Variants in CMTM6 observed in about 807,000 individuals in gnomAD.
CMTM6 encodes CKLF-like MARVEL transmembrane domain-containing protein 6.
A neutral mutation model predicts 13.6 loss-of-function variants in CMTM6; 5 were observed. That is an observed-to-expected ratio of 0.37 (90% CI 0.19 to 0.77). The LOEUF (loss-of-function observed/expected upper bound fraction) is 0.77, where lower values mean the gene tolerates loss of function less well. CMTM6 is among the 30% of genes least tolerant of loss of function. CMTM6 has a pLI of 0.50. For synonymous variants in CMTM6, 99 were observed against 84.5 expected (o/e 1.17, Z -0.94); for missense variants, 196 against 218.6 (o/e 0.90, Z 0.65).
rs1294888077 is a variant in CMTM6 at position 32,496,650 on chromosome 3, G to A, written c.139-4764C>T. Among the ~76,000 whole-genome samples the A allele has an allele frequency of 3.9e-5, 6 of 152,280 alleles. No individual in the cohort carries two copies. In the East Asian group the frequency reaches 1.2e-3, roughly 29 times the overall value. On this transcript the variant is annotated intron_variant, in intron 1 of 3. Coordinates refer to ENST00000205636, the MANE Select transcript of CMTM6 (RefSeq NM_017801.3). ...TTAACTGAGCATTCATTATATGTAG[G>A]TTAGAAAATCTCAAGAAAATGTTCG...
intron 1 of CMTM6, among the ~76,000 whole-genome samples, chr3:32,495,054 A>C (rs1195811676): frequency 6.6e-6 from 1 of 152,194 alleles, no homozygotes; most frequent in Non-Finnish European, 1.5e-5. Context: ...TAATTTCAAA[A>C]TAAAAAGTTA....
At position 32,484,061 on chromosome 3, in the gene CMTM6, C is replaced by A; in HGVS notation, c.451G>T (p.Asp151Tyr). 1 of 1,602,904 alleles carries A rather than the reference C, an allele frequency of 6.2e-7. No homozygotes were observed. Among genetic ancestry groups the A allele is most frequent in the South Asian group, 1.1e-5 (1 of 89,520 alleles). Reference protein sequence around the residue: ...GFIASFMFLLDFITMLYEKRQ... With the variant: ...GFIASFMFLLYFITMLYEKRQ... Reference sequence around the variant, plus strand: ...TTTTCATACAGCATAGTGATAAAGTCAAGTAGGAACATAAAACTTGCTATA... The same window carrying A: ...TTTTCATACAGCATAGTGATAAAGTAAAGTAGGAACATAAAACTTGCTATA... The change falls in exon 4 of 4, where the codon GAC (aspartate) becomes TAC (tyrosine). Residue 151 changes from aspartate (D) to tyrosine (Y), a missense_variant. Transcript: ENST00000205636.
chr3:32,484,241 T>A (rs982820020), intron 3 of CMTM6, 144 bp from the exon 4 acceptor site: 12 of 614,664 alleles, frequency 2.0e-5, no homozygotes, highest in South Asian at 4.1e-5. Flanking sequence ...GTAAAAAAAA[T>A]TTTTTTAAGT....
chr3:32,484,972 A>T, intron 3 of CMTM6, among the ~76,000 whole-genome samples: 1 of 152,076 alleles, frequency 6.6e-6, no homozygotes. Flanking sequence ...CAAATTCATT[A>T]AGTCCCCCAG....
At position 32,493,318 on chromosome 3, in the gene CMTM6, A is replaced by G. The variant is rs1042504876; in HGVS notation, c.139-1432T>C. On this transcript the variant is annotated intron_variant, in intron 1 of 3. Coordinates refer to ENST00000205636, the MANE Select transcript of CMTM6 (RefSeq NM_017801.3). ...AGTGGAGAATGTTAACTCTGGTTAA[A>G]TTGGCAACTCAATTACACGCAAGTG... 2.8e-4 allele frequency among the ~76,000 whole-genome samples: 42 copies of G among 152,228 alleles called. 1 individual carries two copies. The highest frequency in any genetic ancestry group is 2.0e-4 in the Admixed American group (3 of 15,284).
intron 1 of CMTM6, among the ~76,000 whole-genome samples, chr3:32,493,898 A>C (rs779301982): frequency 4.6e-5 from 7 of 152,170 alleles, no homozygotes; most frequent in Non-Finnish European, 7.3e-5. Flanking sequence ...TCAGGGAGAG[A>C]AGCTCGATTA....
At chr3:32,496,198 CAA>C (rs11426299) in intron 1 of CMTM6, among the ~76,000 whole-genome samples, 15 of 78,042 alleles carry the variant, frequency 1.9e-4, no homozygotes, top group Non-Finnish European at 1.5e-4. Context: ...GAGACTATCT[CAA>C]AAAAAAAAAA....
At chr3:32,489,790 C>T (rs1464646799) in intron 2 of CMTM6, among the ~76,000 whole-genome samples, 2 of 151,972 alleles carry the variant, frequency 1.3e-5, no homozygotes, top group African/African-American at 4.8e-5. Context: ...ATTTGGAATA[C>T]ATTCAAGTTA....
At chr3:32,501,188 CAA>C (rs545695553) in intron 1 of CMTM6, among the ~76,000 whole-genome samples, 23 of 58,370 alleles carry the variant, frequency 3.9e-4, no homozygotes, top group East Asian at 8.1e-4. Flanking sequence ...GACTCGGTCT[CAA>C]AAAAAAAAAA....
At chr3:32,493,494 G>T (rs1244446772) in intron 1 of CMTM6, among the ~76,000 whole-genome samples, 2 of 152,204 alleles carry the variant, frequency 1.3e-5, no homozygotes, top group African/African-American at 4.8e-5. Context: ...GAGGTCTGTG[G>T]AAGAGTTTGG....
chr3:32,491,107 G>A (rs1397502951), intron 2 of CMTM6, among the ~76,000 whole-genome samples: 2 of 152,218 alleles, frequency 1.3e-5, no homozygotes, highest in African/African-American at 4.8e-5. Context: ...AGCACCTCAA[G>A]ATGGTAGGGC....
In CMTM6 at chr3:32,483,438, T is replaced by C. The variant is rs1388531729; in HGVS notation, c.*522A>G. On this transcript the variant is annotated 3_prime_UTR_variant, in exon 4 of 4. Transcript: ENST00000205636. ...AAATACAGTAAAGCCTGGTAATATA[T>C]GTTAAGGAAAAAAACCTAGACCAAC... is the stretch of plus-strand genomic sequence containing the variant. The C allele has an allele frequency of 6.6e-6, 1 of 152,454 alleles. No homozygotes were observed. Among genetic ancestry groups the C allele is most frequent in the African/African-American group, 2.4e-5 (1 of 41,444 alleles). 9.4% of individuals were successfully genotyped at this position (152,454 alleles called of 1,614,324 possible).
intron 1 of CMTM6, among the ~76,000 whole-genome samples, chr3:32,494,946 A>C (rs904713412): frequency 6.6e-6 from 1 of 151,942 alleles, no homozygotes; most frequent in African/African-American, 2.4e-5. Flanking sequence ...ATAGAAAGCT[A>C]TCCACATGGT....
At chr3:32,495,438 A>G (rs1378627314) in intron 1 of CMTM6, among the ~76,000 whole-genome samples, 1 of 152,214 alleles carries the variant, frequency 6.6e-6, no homozygotes. Flanking sequence ...AGTCTAATAA[A>G]ATACTAAATA....
At chr3:32,489,088 G>A (rs950459342) in intron 2 of CMTM6, among the ~76,000 whole-genome samples, 1 of 151,622 alleles carries the variant, frequency 6.6e-6, no homozygotes, top group African/African-American at 2.4e-5. Context: ...CCAACATGGT[G>A]AAACCCTGTC....
rs780388560 is a variant in CMTM6 at position 32,491,752 on chromosome 3, A to G, written c.273T>C (p.Thr91=). The G allele has an allele frequency of 6.2e-7, 1 of 1,602,848 alleles. No homozygotes were observed. The highest frequency in any genetic ancestry group is 8.5e-7 in the Non-Finnish European group (1 of 1,175,800). ...TGGTATCAACTCTCTCATAAAATGG[A>G]GTGCAATACACAATCAGTATAAGGA... ...LSLLILIVYC[T]PFYERVDTTK... Residue 91 remains threonine, a synonymous_variant, in exon 2 of 4, where the codon ACT becomes ACC. Transcript: ENST00000205636.
intron 1 of CMTM6, 29 bp downstream of exon 1, chr3:32,502,579 G>A (rs773505998): frequency 2.5e-5 from 39 of 1,576,258 alleles, no homozygotes; most frequent in Non-Finnish European, 3.3e-5. Flanking sequence ...TCCCCAGCCC[G>A]GGCTCGCCCT....
At chr3:32,500,701 A>G (rs1029570019) in intron 1 of CMTM6, among the ~76,000 whole-genome samples, 5 of 152,222 alleles carry the variant, frequency 3.3e-5, no homozygotes, top group East Asian at 3.8e-4. Context: ...GTTTTCTTCT[A>G]TAACAGCAAT....
Position 32,488,035 on chromosome 3 carries a change from T to G in CMTM6, c.317A>C (p.Asp106Ala). The G allele has an allele frequency of 6.2e-7, 1 of 1,603,980 alleles. No individual in the cohort carries two copies. Among genetic ancestry groups the G allele is most frequent in the Non-Finnish European group, 8.5e-7 (1 of 1,171,722 alleles). The change falls in exon 3 of 4, where the codon GAT (aspartate) becomes GCT (alanine). Residue 106 changes from aspartate (D) to alanine (A), a missense_variant and splice_region_variant. Asp to Ala is a moderately radical substitution (Grantham distance 126). This residue lies in a region of CMTM6 where 111 missense variants were observed against 160.0 expected (regional missense o/e 0.69). Coordinates refer to ENST00000205636, the MANE Select transcript of CMTM6 (RefSeq NM_017801.3). ...TCCTGTTCCCAAAGTAATATAAAAATCCTATGCATACATACAAAACACAAA... is the reference window on the plus strand; with the variant it reads ...TCCTGTTCCCAAAGTAATATAAAAAGCCTATGCATACATACAAAACACAAA... Reference protein sequence around the residue: ...RVDTTKVKSSDFYITLGTGCV... With the variant: ...RVDTTKVKSSAFYITLGTGCV...
Sources: allele counts gnomAD v4.1 joint callset (sites outside exome capture counted in the v4.1 genomes callset), GRCh38; gene constraint gnomAD v4.1.1; regional missense constraint gnomAD v4.1.1; transcripts MANE v1.5; gene names NCBI Gene and HGNC (gene_info 2026-07-23, HGNC 2026-07-21).